PDE4D: variants seen among roughly 807,000 people sequenced by gnomAD.
PDE4D encodes phosphodiesterase 4D, also known as 3',5'-cyclic-AMP phosphodiesterase 4D.
Under a neutral mutation model 87.4 loss-of-function variants are expected in PDE4D, and 24 were observed. That is an observed-to-expected ratio of 0.27 (90% confidence interval 0.20 to 0.39). The LOEUF is 0.39. Ranked by LOEUF, PDE4D falls within the 10% of genes least tolerant of loss-of-function variation. The pLI, the probability that PDE4D is intolerant of heterozygous loss-of-function variation, is 1.00. For missense variants in PDE4D, 714 were observed against 1,041.0 expected (o/e 0.69, Z 4.32); for synonymous variants, 384 against 383.2 (o/e 1.00, Z -0.02).
At chr5:60,358,399 C>G (rs1453592851) in intron 1 of PDE4D, among the ~76,000 whole-genome samples, 1 of 151,172 alleles carries the variant, frequency 6.6e-6, no homozygotes, top group Non-Finnish European at 1.5e-5. Flanking sequence ...GCTTTTGGTT[C>G]TCTTAACCAT....
At chr5:59,208,326 G>A (rs534153497) in intron 2 of PDE4D, among the ~76,000 whole-genome samples, 17 of 152,308 alleles carry the variant, frequency 1.1e-4, no homozygotes, top group Middle Eastern at 3.4e-3. Flanking sequence ...TATATGTTTG[G>A]TCAGTTTTCA....
intron 2 of PDE4D, among the ~76,000 whole-genome samples, chr5:60,073,626 G>T (rs958408712): frequency 6.6e-6 from 1 of 151,506 alleles, no homozygotes; most frequent in Non-Finnish European, 1.5e-5. Flanking sequence ...ACTAGAATTT[G>T]GCTGTGATAT....
chr5:59,013,990 A>T (rs748895199), intron 6 of PDE4D, among the ~76,000 whole-genome samples: 3 of 152,240 alleles, frequency 2.0e-5, no homozygotes, highest in Non-Finnish European at 4.4e-5. Context: ...GGCTGCTTCA[A>T]CATATGCAAA....
intron 1 of PDE4D, among the ~76,000 whole-genome samples, chr5:59,425,293 G>A (rs981983255): frequency 6.6e-6 from 1 of 152,056 alleles, no homozygotes; most frequent in Admixed American, 6.6e-5. Context: ...TCTTAAAAAA[G>A]CTCTGAAGTT....
chr5:59,958,400 G>T (rs1231630407), intron 3 of PDE4D, among the ~76,000 whole-genome samples: 3 of 152,082 alleles, frequency 2.0e-5, no homozygotes, highest in Non-Finnish European at 4.4e-5. Context: ...GGAACAGAAT[G>T]CTTTCATGGC....
In PDE4D at chr5:58,975,861, T is replaced by A; in HGVS notation, c.1831-22A>T. The A allele has an allele frequency of 7.1e-7, 1 of 1,408,650 alleles. No homozygotes were observed. The highest frequency in any genetic ancestry group is 9.4e-7 in the Non-Finnish European group (1 of 1,069,232). The allele number at this position is 1,408,650 out of a possible 1,614,324, so 87.3% of individuals were successfully genotyped here. ...GAACCTAAAATAGATGGATGCATTC[T>A]CTATTCACTCCTGTTCCTTTTTTTT... On this transcript the variant is annotated intron_variant, in intron 13 of 14. Coordinates refer to ENST00000340635, the MANE Select transcript of PDE4D (RefSeq NM_001104631.2). The surrounding 1 kb of genome is among the most constrained non-coding windows in gnomAD (Gnocchi z 4.2).
At chr5:59,507,819 G>C (rs1187338755) in intron 1 of PDE4D, among the ~76,000 whole-genome samples, 2 of 151,936 alleles carry the variant, frequency 1.3e-5, no homozygotes, top group Non-Finnish European at 2.9e-5. Flanking sequence ...TTACTCTGGG[G>C]TGGGGGCAGA....
At chr5:59,929,921 G>GA (rs377545947) in intron 3 of PDE4D, among the ~76,000 whole-genome samples, 3 of 152,004 alleles carry the variant, frequency 2.0e-5, no homozygotes, top group Admixed American at 6.6e-5. Context: ...ACGTAGTCTT[G>GA]AAAAAATGTT....
At chr5:59,037,971 CACA>C (rs1336844351) in intron 6 of PDE4D, among the ~76,000 whole-genome samples, 1 of 152,172 alleles carries the variant, frequency 6.6e-6, no homozygotes, top group African/African-American at 2.4e-5. Flanking sequence ...CTAATTGTCT[CACA>C]ACATTACCAG....
chr5:59,208,278 G>A (rs1437431441), intron 2 of PDE4D, among the ~76,000 whole-genome samples: 2 of 152,194 alleles, frequency 1.3e-5, no homozygotes, highest in African/African-American at 4.8e-5. Context: ...CCTAGAGTTC[G>A]AATTGCAGCA....
intron 1 of PDE4D, among the ~76,000 whole-genome samples, chr5:59,408,531 T>C (rs1203707512): frequency 6.6e-6 from 1 of 152,194 alleles, no homozygotes. Context: ...GGGCATTGCC[T>C]AGTGGAACTG....
chr5:60,051,711 G>C (rs1770176054), intron 2 of PDE4D, among the ~76,000 whole-genome samples: 1 of 151,244 alleles, frequency 6.6e-6, no homozygotes, highest in Non-Finnish European at 1.5e-5. Flanking sequence ...AGGAGATACA[G>C]ACATGAAAAA....
chr5:59,221,631 CA>C lies in PDE4D; in HGVS notation c.456-5664del, dbSNP rs112459637. Reference sequence around the variant, plus strand: ...TGGGCGACAGAGCGAGACTCTGTCTCAAAAAAAAAAGTTTTCATATGACCCA... The same window carrying C: ...TGGGCGACAGAGCGAGACTCTGTCTCAAAAAAAAAGTTTTCATATGACCCA... On this transcript the variant is annotated intron_variant, in intron 1 of 14. Transcript: ENST00000340635. 2.9e-4 allele frequency among the ~76,000 whole-genome samples: 42 copies of C among 145,876 alleles called. 1 individual carries two copies. In the East Asian group the frequency reaches 6.0e-3, roughly 21 times the overall value.
chr5:59,879,632 C>G (rs1749144039), intron 1 of PDE4D, among the ~76,000 whole-genome samples: 1 of 152,212 alleles, frequency 6.6e-6, no homozygotes, highest in Non-Finnish European at 1.5e-5. Context: ...CATTAATTAA[C>G]TACATCAAAT....
At chr5:59,309,163 C>G (rs537545567) in intron 1 of PDE4D, among the ~76,000 whole-genome samples, 1 of 152,128 alleles carries the variant, frequency 6.6e-6, no homozygotes, top group African/African-American at 2.4e-5. Context: ...GCTTGAAAAT[C>G]TGCCCCAGGC....
intron 2 of PDE4D, among the ~76,000 whole-genome samples, chr5:60,015,755 T>G (rs1765443969): frequency 6.6e-6 from 1 of 152,170 alleles, no homozygotes; most frequent in Non-Finnish European, 1.5e-5. Context: ...ACTGATGTTC[T>G]CAAAGGAAGA....
chr5:59,977,468 A>C (rs1194313902), intron 3 of PDE4D, among the ~76,000 whole-genome samples: 1 of 152,206 alleles, frequency 6.6e-6, no homozygotes, highest in Non-Finnish European at 1.5e-5. Flanking sequence ...AGGGTGGTTC[A>C]TGATGTTTAA....
intron 1 of PDE4D, among the ~76,000 whole-genome samples, chr5:59,233,792 C>T (rs915381219): frequency 6.6e-6 from 1 of 152,074 alleles, no homozygotes; most frequent in South Asian, 2.1e-4. Context: ...TAGAGTAGGT[C>T]ATAGAAAAGA....
chr5:60,151,251 C>T lies in PDE4D; in HGVS notation c.42+34306G>A, dbSNP rs1781474980. Among the ~76,000 whole-genome samples, 3 of 152,294 alleles carry T rather than the reference C, an allele frequency of 2.0e-5. No homozygotes were observed. In the South Asian group the frequency reaches 6.2e-4, roughly 32 times the overall value. On this transcript the variant is annotated intron_variant, in intron 2 of 16. Transcript: ENST00000502484. ...CTTTACATTTTGTTCCCAAAATGATCTGCCTGCCTCAGTCTTCCAAAGTGC... is the reference window on the plus strand; with the variant it reads ...CTTTACATTTTGTTCCCAAAATGATTTGCCTGCCTCAGTCTTCCAAAGTGC...
Sources: allele counts gnomAD v4.1 joint callset (sites outside exome capture counted in the v4.1 genomes callset), GRCh38; gene constraint gnomAD v4.1.1; non-coding constraint Gnocchi (gnomAD v3.1); transcripts MANE v1.5; gene names NCBI Gene and HGNC (gene_info 2026-07-23, HGNC 2026-07-21).